The following LSAMP variants were observed in gnomAD, a reference collection of about 807,000 sequenced individuals.
LSAMP encodes limbic system-associated membrane protein.
In LSAMP, 7 loss-of-function variants were observed where a neutral mutation model predicts 38.6. The ratio of observed to expected loss-of-function variants is 0.18; its 90% confidence interval spans 0.10 to 0.34. LSAMP has a LOEUF of 0.34. Among genes scored for constraint, LSAMP ranks in the 10% least tolerant of loss-of-function variants. The probability of loss-of-function intolerance (pLI) is 1.00; values close to 1 mark genes in which losing one functional copy is unlikely to be tolerated. For synonymous variants in LSAMP, 154 were observed against 166.8 expected (o/e 0.92, Z 0.59); for missense variants, 313 against 420.0 (o/e 0.75, Z 2.23).
chr3:115,958,562 C>T lies in LSAMP; in HGVS notation c.514+60953G>A, dbSNP rs1351743981. 4.6e-5 allele frequency among the ~76,000 whole-genome samples: 7 copies of T among 152,134 alleles called. No homozygotes were observed. The East Asian group carries it at 7.7e-4, about 17-fold the overall frequency. Reference sequence around the variant, plus strand: ...TGATATGAGGTTGATATAACTTGCCCGAAGGTCAGCCAGCAAGCGAGAGGA... The same window carrying T: ...TGATATGAGGTTGATATAACTTGCCTGAAGGTCAGCCAGCAAGCGAGAGGA... On this transcript the variant is annotated intron_variant, in intron 3 of 6. Coordinates refer to ENST00000490035, the MANE Select transcript of LSAMP (RefSeq NM_002338.5).
At chr3:116,074,483 A>G (rs1195446914) in intron 2 of LSAMP, among the ~76,000 whole-genome samples, 1 of 152,144 alleles carries the variant, frequency 6.6e-6, no homozygotes, top group Non-Finnish European at 1.5e-5. Flanking sequence ...TGTATTTCAG[A>G]TTGTTTTATT....
At chr3:116,188,183 T>A (rs931800453) in intron 1 of LSAMP, among the ~76,000 whole-genome samples, 1 of 152,122 alleles carries the variant, frequency 6.6e-6, no homozygotes, top group African/African-American at 2.4e-5. Flanking sequence ...AGACCACTTG[T>A]TAGTGGGAGT....
intron 3 of LSAMP, among the ~76,000 whole-genome samples, chr3:115,909,487 T>C (rs1643462389): frequency 6.6e-6 from 1 of 152,234 alleles, no homozygotes; most frequent in Non-Finnish European, 1.5e-5. Flanking sequence ...ACATTAGTTC[T>C]TGTCTTTTCT....
chr3:116,427,419 C>G (rs2049216745), intron 1 of LSAMP, among the ~76,000 whole-genome samples: 1 of 151,996 alleles, frequency 6.6e-6, no homozygotes, highest in African/African-American at 2.4e-5. Context: ...CGCGCCCGGC[C>G]CAAGACTCAG....
chr3:116,299,409 C>CTCTTTCAATATCCACTGACTGA (rs1270759101), intron 1 of LSAMP, among the ~76,000 whole-genome samples: 2 of 152,240 alleles, frequency 1.3e-5, no homozygotes, highest in Non-Finnish European at 2.9e-5. Flanking sequence ...AACATGGTCA[C>CTCTTTCAATATCCACTGACTGA]TCTTTCAATA....
intron 1 of LSAMP, among the ~76,000 whole-genome samples, chr3:116,176,994 C>T (rs1205720256): frequency 2.6e-5 from 4 of 151,626 alleles, no homozygotes; most frequent in Non-Finnish European, 4.4e-5. Flanking sequence ...GTGTTTTTTC[C>T]AAAGTAAATC....
Position 116,198,558 on chromosome 3 carries a change from A to G in LSAMP, c.156-112002T>C, listed in dbSNP as rs190748139. 3.3e-3 allele frequency among the ~76,000 whole-genome samples: 494 copies of G among 150,772 alleles called. 2 individuals carry two copies. The highest frequency in any genetic ancestry group is 0.013 in the South Asian group (61 of 4,736). Reference sequence around the variant, plus strand: ...GCCGAGGCTGGCGGATCACGAGGCCAGGAGATCGAGACCATCCCGGCTAAC... The same window carrying G: ...GCCGAGGCTGGCGGATCACGAGGCCGGGAGATCGAGACCATCCCGGCTAAC... On this transcript the variant is annotated intron_variant, in intron 1 of 6. Transcript: ENST00000490035.
At chr3:116,331,572 A>T (rs2047852109) in intron 1 of LSAMP, among the ~76,000 whole-genome samples, 1 of 152,182 alleles carries the variant, frequency 6.6e-6, no homozygotes, top group Non-Finnish European at 1.5e-5. Context: ...GGATACCAGA[A>T]GGCAGTGGCC....
chr3:116,318,599 T>G (rs2047665182), intron 1 of LSAMP, among the ~76,000 whole-genome samples: 1 of 152,172 alleles, frequency 6.6e-6, no homozygotes, highest in Admixed American at 6.5e-5. Flanking sequence ...AACTTAAAAT[T>G]ACAAGAAAAG....
At chr3:116,095,743 G>A (rs1342439334) in intron 1 of LSAMP, among the ~76,000 whole-genome samples, 1 of 152,222 alleles carries the variant, frequency 6.6e-6, no homozygotes, top group Admixed American at 6.5e-5. Flanking sequence ...TGATTGGAAA[G>A]AGCTCTTCTA....
intron 3 of LSAMP, among the ~76,000 whole-genome samples, chr3:115,903,556 G>T (rs980406889): frequency 1.3e-5 from 2 of 152,146 alleles, no homozygotes; most frequent in African/African-American, 4.8e-5. Flanking sequence ...TTGGAAAAAG[G>T]CATAAAGAAC....
At chr3:116,235,952 A>G (rs1322901492) in intron 1 of LSAMP, among the ~76,000 whole-genome samples, 2 of 152,174 alleles carry the variant, frequency 1.3e-5, no homozygotes, top group East Asian at 3.9e-4. Context: ...GTTTGTCAAC[A>G]TATGTGAAAA....
At chr3:116,241,577 G>T (rs1188707513) in intron 1 of LSAMP, among the ~76,000 whole-genome samples, 1 of 152,130 alleles carries the variant, frequency 6.6e-6, no homozygotes, top group Admixed American at 6.5e-5. Flanking sequence ...AAAACAGATA[G>T]ATAGATAGAT....
chr3:116,412,098 G>T (rs373169495), intron 1 of LSAMP, among the ~76,000 whole-genome samples: 1 of 151,978 alleles, frequency 6.6e-6, no homozygotes, highest in African/African-American at 2.4e-5. Context: ...AGCGGACTAA[G>T]GCAGTTATAT....
chr3:115,936,586 T>C (rs907009107), intron 3 of LSAMP, among the ~76,000 whole-genome samples: 1 of 152,148 alleles, frequency 6.6e-6, no homozygotes, highest in African/African-American at 2.4e-5. Flanking sequence ...CTATCACTAT[T>C]CCTGAGTTAA....
chr3:115,937,912 T>C (rs1937764769), intron 3 of LSAMP, among the ~76,000 whole-genome samples: 1 of 152,194 alleles, frequency 6.6e-6, no homozygotes. Flanking sequence ...AGTTGTACTA[T>C]TAATTATAAT....
chr3:115,886,359 A>G (rs1045952724), intron 3 of LSAMP, among the ~76,000 whole-genome samples: 1 of 152,018 alleles, frequency 6.6e-6, no homozygotes, highest in Non-Finnish European at 1.5e-5. Flanking sequence ...CTTATTGTGA[A>G]CTGTTAATAG....
Position 116,135,482 on chromosome 3 carries a change from C to T in LSAMP, c.156-48926G>A, listed in dbSNP as rs552180522. On this transcript the variant is annotated intron_variant, in intron 1 of 6. Transcript: ENST00000490035. ...ACTGAACTGTTAACTACTATGGGAT[C>T]GTATTTTCCTGACCCAGTGAAAGAC... Among the ~76,000 whole-genome samples, 33 of 152,254 alleles carry T rather than the reference C, an allele frequency of 2.2e-4. No homozygotes were observed. The South Asian group carries it at 6.2e-3, about 29-fold the overall frequency.
At chr3:116,391,738 A>G (rs9860236) in intron 1 of LSAMP, among the ~76,000 whole-genome samples, 46,605 of 152,088 alleles carry the variant, frequency 0.31, 9,797 homozygotes, top group African/African-American at 0.6. Context: ...ATGGGGGCTG[A>G]GCCCGGGGTG....
Sources: gnomAD v4.1 joint callset for allele counts (sites outside exome capture counted in the v4.1 genomes callset) on GRCh38, gnomAD v4.1.1 for gene constraint, MANE v1.5 for transcripts, NCBI Gene and HGNC (gene_info 2026-07-23, HGNC 2026-07-21) for gene names.